The following SMIM21 variants were observed in gnomAD, a reference collection of about 807,000 sequenced individuals.
SMIM21 encodes small integral membrane protein 21.
Under a neutral mutation model 8.6 loss-of-function variants are expected in SMIM21, and 8 were observed. The observed-to-expected ratio is 0.93, with a 90% CI of 0.55 to 1.68. SMIM21 has a LOEUF of 1.68. Among genes scored for constraint, SMIM21 ranks in the 40% most tolerant of loss-of-function variants. The probability of loss-of-function intolerance (pLI) is 0.00; values close to 1 mark genes in which losing one functional copy is unlikely to be tolerated. For missense variants in SMIM21, 132 were observed against 123.0 expected (o/e 1.07, Z -0.35); for synonymous variants, 43 against 41.7 (o/e 1.03, Z -0.12).
chr18:75,421,705 A>G (rs1426289399), intron 1 of SMIM21, among the ~76,000 whole-genome samples: 2 of 152,198 alleles, frequency 1.3e-5, no homozygotes, highest in African/African-American at 2.4e-5. Context: ...GGCCTGTAGG[A>G]GAAGCCTTTG....
intron 1 of SMIM21, among the ~76,000 whole-genome samples, chr18:75,420,167 G>T (rs2024694065): frequency 6.6e-6 from 1 of 152,250 alleles, no homozygotes; most frequent in Non-Finnish European, 1.5e-5. Flanking sequence ...TGCAGTGAGA[G>T]AGAGCAGGTA....
chr18:75,411,086 G>A (rs79961652), intron 2 of SMIM21, among the ~76,000 whole-genome samples, 177 bp from the exon 3 acceptor site: 1 of 152,140 alleles, frequency 6.6e-6, no homozygotes, highest in Non-Finnish European at 1.5e-5. Context: ...AGCAAGTACT[G>A]TTTGATGGTA....
chr18:75,412,357 T>C (rs1480682289), intron 2 of SMIM21: 1 of 152,176 alleles, frequency 6.6e-6, no homozygotes, highest in Non-Finnish European at 1.5e-5. Flanking sequence ...AAACAATCAA[T>C]TGCTATATAA....
In SMIM21 at chr18:75,427,568, G is replaced by A. The variant is rs556320454; in HGVS notation, c.-5C>T. 7.1e-5 allele frequency: 113 copies of A among 1,595,248 alleles called. 1 individual carries two copies. In the South Asian group the frequency reaches 1.2e-3, roughly 16 times the overall value. On this transcript the variant is annotated 5_prime_UTR_variant, in exon 1 of 3. Coordinates refer to ENST00000579022, the MANE Select transcript of SMIM21 (RefSeq NM_001037331.3). ...TGTGGACACATACTGGTCCATGTGG[G>A]GGCTGCGGCGGTGACCAGTGAGAGG...
intron 2 of SMIM21, among the ~76,000 whole-genome samples, chr18:75,415,365 T>A (rs1413108833): frequency 6.6e-6 from 1 of 152,022 alleles, no homozygotes; most frequent in Non-Finnish European, 1.5e-5. Context: ...AGAGCAGGAG[T>A]GGGGCTGAAG....
At chr18:75,413,588 C>A (rs551194171) in intron 2 of SMIM21, among the ~76,000 whole-genome samples, 1 of 152,186 alleles carries the variant, frequency 6.6e-6, no homozygotes, top group African/African-American at 2.4e-5. Context: ...TAAGGCCATT[C>A]GTGGTCTGGT....
intron 2 of SMIM21, among the ~76,000 whole-genome samples, chr18:75,411,865 T>G (rs2024588057): frequency 6.6e-6 from 1 of 152,118 alleles, no homozygotes; most frequent in Admixed American, 6.6e-5. Context: ...CGTTGGAAAA[T>G]AAGTCATAAT....
intron 1 of SMIM21, among the ~76,000 whole-genome samples, chr18:75,419,827 C>T (rs1224773107): frequency 1.3e-5 from 2 of 152,136 alleles, no homozygotes; most frequent in Admixed American, 1.3e-4. Context: ...GGGCCTTATC[C>T]TTTCTGTGGC....
intron 2 of SMIM21, among the ~76,000 whole-genome samples, chr18:75,411,794 A>T (rs1327389323): frequency 6.6e-6 from 1 of 152,222 alleles, no homozygotes; most frequent in Non-Finnish European, 1.5e-5. Flanking sequence ...TATTCATAGG[A>T]TTAATTTCAT....
intron 1 of SMIM21, among the ~76,000 whole-genome samples, chr18:75,420,659 C>A (rs983237140): frequency 1.3e-5 from 2 of 152,220 alleles, no homozygotes; most frequent in African/African-American, 4.8e-5. Context: ...AAGAAAGTCA[C>A]TGGAGCATTG....
chr18:75,427,513 C>CTAT lies in SMIM21; in HGVS notation c.50_51insATA (p.Leu17_Gly18insTer), dbSNP rs771347554. ...CTGCAGAGTCTTGTTTAAATGTTCC[C>CTAT]AGCTGTGCTATAGGGAATCGGGGAG... On this transcript the variant is annotated stop_gained and inframe_insertion, in exon 1 of 3. Transcript: ENST00000579022. LOFTEE classifies it high-confidence loss of function. 4.2e-5 allele frequency: 68 copies of CTAT among 1,614,012 alleles called. No homozygotes were observed. The highest frequency in any genetic ancestry group is 5.7e-5 in the Non-Finnish European group (67 of 1,179,964).
Position 75,409,532 on chromosome 18 carries a change from T to C in SMIM21, c.*1332A>G, listed in dbSNP as rs2024559988. 6.6e-6 allele frequency: 1 copy of C among 152,272 alleles called. No individual in the cohort carries two copies. The highest frequency in any genetic ancestry group is 1.5e-5 in the Non-Finnish European group (1 of 68,062). The allele number at this position is 152,272 out of a possible 1,614,324, so 9.4% of individuals were successfully genotyped here. ...ACAGGTCCCCTTCCATAAGCTGGTT[T>C]CTTTGTGAACACCATCCATTCATTG... On this transcript the variant is annotated 3_prime_UTR_variant, in exon 3 of 3. Coordinates refer to ENST00000579022, the MANE Select transcript of SMIM21 (RefSeq NM_001037331.3).
chr18:75,410,725 A>G lies in SMIM21; in HGVS notation c.*139T>C, dbSNP rs1355053820. On this transcript the variant is annotated 3_prime_UTR_variant, in exon 3 of 3. Coordinates refer to ENST00000579022, the MANE Select transcript of SMIM21 (RefSeq NM_001037331.3). The stretch of plus-strand genomic sequence containing the variant: ...CATTGCAAAAAGTTACACGTTCTTC[A>G]TTCTCTCTGTGGAGCTCCTTTTAAA... 2 of 1,474,908 alleles carry G rather than the reference A, an allele frequency of 1.4e-6. No homozygotes were observed. The highest frequency in any genetic ancestry group is 1.4e-5 in the African/African-American group (1 of 70,240). 91.4% of individuals were successfully genotyped at this position (1,474,908 alleles called of 1,614,324 possible). A position where few individuals can be genotyped will look rare whatever the true frequency, so the allele number is the denominator to read the frequency against.
chr18:75,411,916 A>G (rs544017167), intron 2 of SMIM21, among the ~76,000 whole-genome samples: 1 of 152,254 alleles, frequency 6.6e-6, no homozygotes, highest in Non-Finnish European at 1.5e-5. Context: ...TATAGAAGGC[A>G]TGCAGCAATA....
chr18:75,410,125 T>C lies in SMIM21; in HGVS notation c.*739A>G, dbSNP rs757169228. Reference sequence around the variant, plus strand: ...TCTCTGCACTCAGGAACAAGGTAATTAAGTCAGCCACAATATAAGAAAACT... The same window carrying C: ...TCTCTGCACTCAGGAACAAGGTAATCAAGTCAGCCACAATATAAGAAAACT... On this transcript the variant is annotated 3_prime_UTR_variant, in exon 3 of 3. Transcript: ENST00000579022. The C allele has an allele frequency of 3.3e-5, 5 of 152,670 alleles. No individual in the cohort carries two copies. The highest frequency in any genetic ancestry group is 9.6e-5 in the African/African-American group (4 of 41,454). 9.5% of individuals were successfully genotyped at this position (152,670 alleles called of 1,614,324 possible).
intron 2 of SMIM21, among the ~76,000 whole-genome samples, chr18:75,415,417 G>T (rs1363720383): frequency 6.6e-6 from 1 of 152,224 alleles, no homozygotes; most frequent in Non-Finnish European, 1.5e-5. Flanking sequence ...AGAGGGAGAG[G>T]TCTCTGCTGC....
chr18:75,418,683 T>C, intron 2 of SMIM21, 103 bp downstream of exon 2: 1 of 1,174,956 alleles, frequency 8.5e-7, no homozygotes, highest in Non-Finnish European at 1.2e-6. Context: ...GATTGATTGC[T>C]TGATGAATGT....
intron 2 of SMIM21, among the ~76,000 whole-genome samples, chr18:75,412,872 A>T (rs545413104): frequency 6.6e-6 from 1 of 152,132 alleles, no homozygotes; most frequent in Non-Finnish European, 1.5e-5. Context: ...CTCCTCCCCC[A>T]GTCTCATTGC....
In SMIM21 at chr18:75,410,854, G is replaced by A. The variant is rs774337630; in HGVS notation, c.*10C>T. The A allele has an allele frequency of 1.4e-4, 230 of 1,613,982 alleles. No individual in the cohort carries two copies. The highest frequency in any genetic ancestry group is 4.0e-4 in the East Asian group (18 of 44,894). On this transcript the variant is annotated 3_prime_UTR_variant, in exon 3 of 3. Transcript: ENST00000579022. ...GGTATGAAGGCCATGAGAGAGAAAC[G>A]TAGTGTCATTTATTCTGCTTCTGCT...
Sources: gnomAD v4.1 joint callset for allele counts (sites outside exome capture counted in the v4.1 genomes callset) on GRCh38, gnomAD v4.1.1 for gene constraint, MANE v1.5 for transcripts, NCBI Gene and HGNC (gene_info 2026-07-23, HGNC 2026-07-21) for gene names.